Variants in HNF1B observed in about 807,000 individuals in gnomAD.
HNF1B encodes the protein hepatocyte nuclear factor 1-beta.
A neutral mutation model predicts 61.7 loss-of-function variants in HNF1B; 8 were observed. That is an observed-to-expected ratio of 0.13 (90% CI 0.08 to 0.23). HNF1B has a LOEUF of 0.23. Among genes scored for constraint, HNF1B ranks in the 10% least tolerant of loss-of-function variants. The probability of loss-of-function intolerance (pLI) is 1.00; values close to 1 mark genes in which losing one functional copy is unlikely to be tolerated. For synonymous variants in HNF1B, 314 were observed against 287.7 expected, an observed-to-expected ratio of 1.09 and a Z score of -0.93; for missense variants, 562 against 714.5, an observed-to-expected ratio of 0.79 and a Z score of 2.43.
Position 37,733,577 on chromosome 17 carries a change from G to T in HNF1B, c.789C>A (p.Ala263=). The part of the protein sequence containing the change: ...QKNPSKEERE[A]LVEECNRAEC... ...GTTACCTGTTGCATTCCTCCACTAA[G>T]GCCTCTCTCTCTTCCTTGCTGGGGT... The change falls in exon 3 of 9, where the codon GCC becomes GCA. Residue 263 remains alanine, a synonymous_variant. Coordinates refer to ENST00000617811, the MANE Select transcript of HNF1B (RefSeq NM_000458.4). 1.9e-6 allele frequency: 3 copies of T among 1,614,132 alleles called. No individual in the cohort carries two copies. The highest frequency in any genetic ancestry group is 2.5e-6 in the Non-Finnish European group (3 of 1,180,032).
intron 2 of HNF1B, among the ~76,000 whole-genome samples, chr17:37,736,525 C>G (rs757210): frequency 0.018 from 2,706 of 152,054 alleles, 43 homozygotes; most frequent in Non-Finnish European, 0.024. Context: ...AGCCTGGACA[C>G]GAGCCCAGCC....
chr17:37,741,381 A>G (rs1255546286), intron 1 of HNF1B, among the ~76,000 whole-genome samples: 1 of 152,188 alleles, frequency 6.6e-6, no homozygotes, highest in Non-Finnish European at 1.5e-5. Context: ...TATATTAATT[A>G]TATATAAGAA....
chr17:37,735,538 C>T (rs2033808793), intron 2 of HNF1B, among the ~76,000 whole-genome samples: 1 of 152,076 alleles, frequency 6.6e-6, no homozygotes, highest in Admixed American at 6.5e-5. Context: ...TCAGTGGTGC[C>T]CAACAATGCC....
At chr17:37,718,926 C>A (rs1028171542) in intron 4 of HNF1B, among the ~76,000 whole-genome samples, 1 of 152,116 alleles carries the variant, frequency 6.6e-6, no homozygotes, top group Admixed American at 6.6e-5. Context: ...CATTTATCCT[C>A]TAAATCTCCC....
intron 8 of HNF1B, among the ~76,000 whole-genome samples, chr17:37,687,637 G>C (rs1176231188): frequency 1.3e-5 from 2 of 152,214 alleles, no homozygotes; most frequent in Non-Finnish European, 2.9e-5. Context: ...TGGGGACCTT[G>C]AAGTAGTCTT....
chr17:37,731,674 C>A lies in HNF1B; in HGVS notation c.966G>T (p.Gln322His), dbSNP rs1270401103. 1 of 1,613,996 alleles carries A rather than the reference C, an allele frequency of 6.2e-7. No homozygotes were observed. Among genetic ancestry groups the A allele is most frequent in the Non-Finnish European group, 8.5e-7 (1 of 1,180,028 alleles). ...KLAMDAYSSNQTHSLNPLLSH... is the reference protein window; with the variant it reads ...KLAMDAYSSNHTHSLNPLLSH... ...AGAGCAGAGGGTTCAGGCTGTGAGT[C>A]TGGTTGGAGCTATAGGCGTCCATGG... Residue 322 changes from glutamine to histidine, a missense_variant, in exon 4 of 9, where the codon CAG (glutamine) becomes CAT (histidine). Around this residue, in one of 6 missense-constraint regions of HNF1B, gnomAD observed 211 missense variants for 200.7 expected, o/e 1.05. Coordinates refer to ENST00000617811, the MANE Select transcript of HNF1B (RefSeq NM_000458.4).
At chr17:37,737,058 G>A (rs1219669624) in intron 2 of HNF1B, among the ~76,000 whole-genome samples, 2 of 152,208 alleles carry the variant, frequency 1.3e-5, no homozygotes, top group African/African-American at 2.4e-5. Flanking sequence ...TTCTGTGTGT[G>A]TAGAGGGGCC....
chr17:37,738,238 A>G (rs1313879813), intron 2 of HNF1B, among the ~76,000 whole-genome samples: 1 of 152,242 alleles, frequency 6.6e-6, no homozygotes, highest in Non-Finnish European at 1.5e-5. Flanking sequence ...CTCTCGCTCT[A>G]AGCAGCAAAC....
At chr17:37,707,278 G>A (rs1248786082) in intron 5 of HNF1B, among the ~76,000 whole-genome samples, 2 of 152,022 alleles carry the variant, frequency 1.3e-5, no homozygotes, top group African/African-American at 4.8e-5. Flanking sequence ...ACCGTGCCCA[G>A]CTAATTTTTT....
chr17:37,715,678 C>T (rs1477434387), intron 4 of HNF1B, among the ~76,000 whole-genome samples: 1 of 152,188 alleles, frequency 6.6e-6, no homozygotes, highest in Non-Finnish European at 1.5e-5. Context: ...TCAGATAACC[C>T]TTTCTCCACT....
intron 1 of HNF1B, among the ~76,000 whole-genome samples, chr17:37,742,917 C>A (rs943737817): frequency 1.3e-5 from 2 of 151,688 alleles, no homozygotes; most frequent in Non-Finnish European, 2.9e-5. Flanking sequence ...TGATCTCCTT[C>A]CCCCCTCTAA....
At chr17:37,742,966 C>T in intron 1 of HNF1B, among the ~76,000 whole-genome samples, 1 of 144,984 alleles carries the variant, frequency 6.9e-6, no homozygotes, top group Non-Finnish European at 1.5e-5. Flanking sequence ...ACCCGCCTCT[C>T]TTTTCAACCT....
intron 4 of HNF1B, among the ~76,000 whole-genome samples, chr17:37,724,629 C>T (rs1466772084): frequency 1.3e-5 from 2 of 152,168 alleles, no homozygotes; most frequent in African/African-American, 4.8e-5. Context: ...TTTCAGTCCC[C>T]ATAAAATAAA....
intron 4 of HNF1B, among the ~76,000 whole-genome samples, chr17:37,711,580 C>T (rs1355393601): frequency 6.6e-6 from 1 of 152,210 alleles, no homozygotes; most frequent in Non-Finnish European, 1.5e-5. Context: ...ACGCCTGGGT[C>T]CAGTTTGCAG....
chr17:37,690,167 G>A (rs1005523467), intron 8 of HNF1B, among the ~76,000 whole-genome samples: 6 of 152,160 alleles, frequency 3.9e-5, no homozygotes, highest in African/African-American at 1.4e-4. Flanking sequence ...TAACATTTGA[G>A]CTGAATGAAG....
chr17:37,688,441 C>A (rs1316972584), intron 8 of HNF1B, among the ~76,000 whole-genome samples: 1 of 149,768 alleles, frequency 6.7e-6, no homozygotes, highest in Non-Finnish European at 1.5e-5. Flanking sequence ...ACCAATACCA[C>A]TAAAGGCCAC....
chr17:37,701,304 T>A, intron 6 of HNF1B, 127 bp from the exon 7 acceptor site: 4 of 861,882 alleles, frequency 4.6e-6, no homozygotes, highest in Non-Finnish European at 7.5e-6. Flanking sequence ...GGAGATTCCA[T>A]GGGAGGCAAG....
At chr17:37,711,126 T>C (rs1173337436) in intron 4 of HNF1B, among the ~76,000 whole-genome samples, 4 of 152,206 alleles carry the variant, frequency 2.6e-5, no homozygotes, top group Non-Finnish European at 2.9e-5. Context: ...AAAGTATAAG[T>C]AGACCCATGT....
intron 4 of HNF1B, among the ~76,000 whole-genome samples, chr17:37,713,158 TGAGA>T (rs2032992039): frequency 6.6e-6 from 1 of 152,134 alleles, no homozygotes; most frequent in East Asian, 1.9e-4. Context: ...GCTCTGCTCC[TGAGA>T]GAGTGTTGAT....
Sources: allele counts gnomAD v4.1 joint callset (sites outside exome capture counted in the v4.1 genomes callset), GRCh38; gene constraint gnomAD v4.1.1; regional missense constraint gnomAD v4.1.1; transcripts MANE v1.5; gene names NCBI Gene and HGNC (gene_info 2026-07-23, HGNC 2026-07-21).